The following CDC25B variants were observed in gnomAD, a reference collection of about 807,000 sequenced individuals.
CDC25B encodes the protein M-phase inducer phosphatase 2.
In CDC25B, 33 loss-of-function variants were observed where a neutral mutation model predicts 69.8. The ratio of observed to expected loss-of-function variants is 0.47; its 90% CI spans 0.36 to 0.63. The LOEUF (loss-of-function observed/expected upper bound fraction) is 0.63, where lower values mean the gene tolerates loss of function less well. Ranked by LOEUF, CDC25B falls within the 30% of genes least tolerant of loss-of-function variation. The pLI is 0.00. For synonymous variants in CDC25B, 341 were observed against 314.6 expected, an observed-to-expected ratio of 1.08 and a Z score of -0.89; for missense variants, 727 against 809.1, an observed-to-expected ratio of 0.90 and a Z score of 1.23.
rs1458529957 is a variant in CDC25B at position 3,797,809 on chromosome 20, C to T, written c.328+60C>T. On this transcript the variant is annotated intron_variant, in intron 2 of 15. Coordinates refer to ENST00000245960, the MANE Select transcript of CDC25B (RefSeq NM_021873.4). ...TGTCAGGAGAGTTTGTGGGGGCTGCCTGGGCCTCCCAATTTCCCTGCCGAT... is the reference window on the plus strand; with the variant it reads ...TGTCAGGAGAGTTTGTGGGGGCTGCTTGGGCCTCCCAATTTCCCTGCCGAT... 6.3e-6 allele frequency: 10 copies of T among 1,593,018 alleles called. No homozygotes were observed. In the Admixed American group the frequency reaches 1.7e-4, roughly 27 times the overall value.
intron 1 of CDC25B, 25 bp downstream of exon 1, chr20:3,796,756 T>C: frequency 6.5e-7 from 1 of 1,544,112 alleles, no homozygotes; most frequent in Non-Finnish European, 8.7e-7. Flanking sequence ...GGAGGCTGCA[T>C]ATGGGGGTGA....
intron 2 of CDC25B, 112 bp downstream of exon 2, chr20:3,797,861 G>A (rs2089121034): frequency 1.5e-6 from 2 of 1,351,900 alleles, no homozygotes; most frequent in Non-Finnish European, 2.1e-6. Flanking sequence ...CCACAACCTG[G>A]TGGGCCCAGG....
At chr20:3,793,196 G>A (rs1333474540), upstream of CDC25B, among the ~76,000 whole-genome samples, 4 of 152,076 alleles carry the variant, frequency 2.6e-5, no homozygotes, top group Non-Finnish European at 5.9e-5. Context: ...AGTGGCTCAC[G>A]CCTGTAATCC....
rs11570006 is a variant in CDC25B, at chr20:3,801,658, G to A, written c.841-64G>A. 8,794 of 1,328,166 alleles carry A rather than the reference G, an allele frequency of 6.6e-3. 464 individuals are homozygous for A. In the African/African-American group the frequency reaches 0.11, roughly 17 times the overall value. 82.3% of individuals were successfully genotyped at this position (1,328,166 alleles called of 1,614,324 possible). A position where few individuals can be genotyped will look rare whatever the true frequency, so the allele number is the denominator to read the frequency against. Reference sequence around the variant, plus strand: ...AGGGAAGGCTGTGCTGGAGGATTCCGGGACTGGAGGGGTTTGGCCTATGCC... The same window carrying A: ...AGGGAAGGCTGTGCTGGAGGATTCCAGGACTGGAGGGGTTTGGCCTATGCC... On this transcript the variant is annotated intron_variant, in intron 8 of 15. Transcript: ENST00000245960.
chr20:3,801,403 C>T lies in CDC25B; in HGVS notation c.840+15C>T. 3 of 1,588,720 alleles carry T rather than the reference C, an allele frequency of 1.9e-6. No individual in the cohort carries two copies. Among genetic ancestry groups the T allele is most frequent in the Non-Finnish European group, 2.6e-6 (3 of 1,166,344 alleles). The stretch of plus-strand genomic sequence containing the variant: ...GTGACTTAAAGGTAAACAGCCTTGT[C>T]CCACCAGGCCCCTACCTTCCTATCC... On this transcript the variant is annotated intron_variant, in intron 8 of 15. Coordinates refer to ENST00000245960, the MANE Select transcript of CDC25B (RefSeq NM_021873.4).
chr20:3,799,517 T>TGC (rs1427827422), intron 3 of CDC25B, among the ~76,000 whole-genome samples: 21 of 53,174 alleles, frequency 3.9e-4, no homozygotes, highest in African/African-American at 1.1e-3. Context: ...TGTGTGTGTG[T>TGC]GTGTGTGTGC....
chr20:3,794,523 T>C (rs1184324699), upstream of CDC25B, among the ~76,000 whole-genome samples: 1 of 152,006 alleles, frequency 6.6e-6, no homozygotes, highest in African/African-American at 2.4e-5. Flanking sequence ...CAGTTTTTTT[T>C]TTCTGGTTTT....
At position 3,803,380 on chromosome 20, in the gene CDC25B, C is replaced by G; in HGVS notation, c.1357-24C>G. Reference sequence around the variant, plus strand: ...CCTGACTCCTGGACCCGGGGCTGTGCCTGACCTCTGGCTCCTCTGACAGAC... The same window carrying G: ...CCTGACTCCTGGACCCGGGGCTGTGGCTGACCTCTGGCTCCTCTGACAGAC... On this transcript the variant is annotated intron_variant, in intron 13 of 15. Coordinates refer to ENST00000245960, the MANE Select transcript of CDC25B (RefSeq NM_021873.4). This position sits in a 1 kb window ranked among gnomAD's most constrained non-coding sequence, Gnocchi z 4.9. 6.2e-7 allele frequency: 1 copy of G among 1,613,992 alleles called. No individual in the cohort carries two copies. Among genetic ancestry groups the G allele is most frequent in the Non-Finnish European group, 8.5e-7 (1 of 1,179,948 alleles).
At chr20:3,797,508 G>T (rs11569982) in intron 1 of CDC25B, 114 bp from the exon 2 acceptor site, 2 of 1,356,296 alleles carry the variant, frequency 1.5e-6, no homozygotes, top group Admixed American at 4.0e-5. Flanking sequence ...TTGCTTTCCC[G>T]GTGTAGTGTT....
upstream of CDC25B, chr20:3,796,204 C>T: frequency 8.3e-7 from 1 of 1,202,006 alleles, no homozygotes. Context: ...CGGGCCCCGC[C>T]CTCAGTCCCG....
At position 3,800,143 on chromosome 20, in the gene CDC25B, C is replaced by T. The variant is rs1040883635; in HGVS notation, c.381-145C>T. The T allele has an allele frequency of 2.7e-5, 18 of 667,594 alleles. No homozygotes were observed. In the Admixed American group the frequency reaches 2.9e-4, roughly 11 times the overall value. The allele number at this position is 667,594 out of a possible 1,614,324, so 41.4% of individuals were successfully genotyped here. On this transcript the variant is annotated intron_variant, in intron 3 of 15. Coordinates refer to ENST00000245960, the MANE Select transcript of CDC25B (RefSeq NM_021873.4). Reference sequence around the variant, plus strand: ...AATACCTGGGCCCCCTGATGGTGGGCGTTCTTCCCACCCCACCCCTTCCAC... The same window carrying T: ...AATACCTGGGCCCCCTGATGGTGGGTGTTCTTCCCACCCCACCCCTTCCAC...
At chr20:3,801,697 C>T (rs11570007) in intron 8 of CDC25B, 25 bp from the exon 9 acceptor site, 39,726 of 1,560,242 alleles carry the variant, frequency 0.025, 623 homozygotes, top group Middle Eastern at 0.034. Flanking sequence ...GGGTTGTGAC[C>T]CTGTCCTTGC....
At chr20:3,795,878 A>G, upstream of CDC25B, 2 of 985,492 alleles carry the variant, frequency 2.0e-6, no homozygotes, top group Non-Finnish European at 2.4e-6. Context: ...CTCAGCGTCC[A>G]GGTCTGTAAA....
At position 3,804,608 on chromosome 20, in the gene CDC25B, C is replaced by T; in HGVS notation, c.1530C>T (p.Asp510=). Residue 510 remains aspartate (D), a synonymous_variant, in exon 15 of 16, where the codon GAC becomes GAT. Coordinates refer to ENST00000245960, the MANE Select transcript of CDC25B (RefSeq NM_021873.4). ...FIRERDRAVN[D]YPSLYYPEMY... is the part of the protein sequence containing the mutation. ...GGGAACGAGACCGTGCTGTCAACGA[C>T]TACCCCAGCCTCTACTACCCTGAGA... is the stretch of plus-strand genomic sequence containing the variant. 1 of 1,614,122 alleles carries T rather than the reference C, an allele frequency of 6.2e-7. No homozygotes were observed. Among genetic ancestry groups the T allele is most frequent in the African/African-American group, 1.3e-5 (1 of 75,056 alleles).
chr20:3,800,482 G>T lies in CDC25B; in HGVS notation c.443G>T (p.Arg148Leu). The change falls in exon 5 of 16, where the codon CGC (arginine) becomes CTC (leucine). Residue 148 changes from arginine (R) to leucine (L), a missense_variant. Around this residue, in one of 2 missense-constraint regions of CDC25B, gnomAD observed 368 missense variants for 345.6 expected, o/e 1.06. Coordinates refer to ENST00000245960, the MANE Select transcript of CDC25B (RefSeq NM_021873.4). Reference sequence around the variant, plus strand: ...TGTAGCGAGCAGTTTGCCATCAGACGCTTCCAGTCTATGCCGGTGAGTGTC... The same window carrying T: ...TGTAGCGAGCAGTTTGCCATCAGACTCTTCCAGTCTATGCCGGTGAGTGTC... Reference protein sequence around the residue: ...IIRNEQFAIRRFQSMPVRLLG... With the variant: ...IIRNEQFAIRLFQSMPVRLLG... The T allele has an allele frequency of 6.2e-7, 1 of 1,614,202 alleles. No individual in the cohort carries two copies. The highest frequency in any genetic ancestry group is 2.2e-5 in the East Asian group (1 of 44,884).
chr20:3,800,960 C>G lies in CDC25B; in HGVS notation c.583-11C>G. On this transcript the variant is annotated splice_polypyrimidine_tract_variant and intron_variant, in intron 6 of 15. Transcript: ENST00000245960. ...GCATGTGAGGACCCTCCTCTCCCATCTTGGCTGCAGGATGGATTTGTCTTC... is the reference window on the plus strand; with the variant it reads ...GCATGTGAGGACCCTCCTCTCCCATGTTGGCTGCAGGATGGATTTGTCTTC... 1 of 1,613,928 alleles carries G rather than the reference C, an allele frequency of 6.2e-7. No individual in the cohort carries two copies. Among genetic ancestry groups the G allele is most frequent in the East Asian group, 2.2e-5 (1 of 44,882 alleles).
At position 3,797,695 on chromosome 20, in the gene CDC25B, C is replaced by A. The variant is rs1490783223; in HGVS notation, c.274C>A (p.Arg92=). The A allele has an allele frequency of 6.2e-7, 1 of 1,614,152 alleles. No individual in the cohort carries two copies. The highest frequency in any genetic ancestry group is 8.5e-7 in the Non-Finnish European group (1 of 1,180,030). Residue 92 remains arginine, a synonymous_variant, in exon 2 of 16, where the codon CGA becomes AGA. Transcript: ENST00000245960. The stretch of plus-strand genomic sequence containing the variant: ...CCGCCTGACGCACCTATCCCTGTCT[C>A]GACGGGCATCCGAATCCTCCCTGTC... ...RSRLTHLSLS[R]RASESSLSSE...
At chr20:3,800,230 G>A (rs62208286) in intron 3 of CDC25B, 58 bp from the exon 4 acceptor site, 22 of 947,212 alleles carry the variant, frequency 2.3e-5, no homozygotes, top group East Asian at 3.8e-5. Context: ...GCCTGGTGCT[G>A]GGGTGGGTGA....
At position 3,798,414 on chromosome 20, in the gene CDC25B, C is replaced by A; in HGVS notation, c.331C>A (p.Leu111Ile). 6.4e-7 allele frequency: 1 copy of A among 1,568,508 alleles called. No homozygotes were observed. The highest frequency in any genetic ancestry group is 8.6e-7 in the Non-Finnish European group (1 of 1,157,210). The change falls in exon 3 of 16, where the codon CTC becomes ATC. Residue 111 changes from leucine to isoleucine, a missense_variant and splice_region_variant. Transcript: ENST00000245960. ...SESSESSDAG[L>I]CMDSPSPMDP... is the part of the protein sequence containing the mutation. ...ACCAAGGTGCTCTGTCCCCTCAGGT[C>A]TCTGCATGGATTCCCCCAGCCCTAT...
Sources: allele counts gnomAD v4.1 joint callset (sites outside exome capture counted in the v4.1 genomes callset), GRCh38; gene constraint gnomAD v4.1.1; regional missense constraint gnomAD v4.1.1; non-coding constraint Gnocchi (gnomAD v3.1); transcripts MANE v1.5; gene names NCBI Gene and HGNC (gene_info 2026-07-23, HGNC 2026-07-21).